The following AJAP1 variants were observed in gnomAD, a reference collection of about 807,000 sequenced individuals.
AJAP1 encodes adherens junction-associated protein 1.
A neutral mutation model predicts 35.0 loss-of-function variants in AJAP1; 5 were observed. The ratio of observed to expected loss-of-function variants is 0.14; its 90% CI spans 0.07 to 0.30. AJAP1 has a LOEUF of 0.30. Among genes scored for constraint, AJAP1 ranks in the 10% least tolerant of loss-of-function variants. The pLI is 1.00. For missense variants in AJAP1, 586 were observed against 571.0 expected, an observed-to-expected ratio of 1.03 and a Z score of -0.27; for synonymous variants, 284 against 249.3, an observed-to-expected ratio of 1.14 and a Z score of -1.31.
intron 2 of AJAP1, among the ~76,000 whole-genome samples, chr1:4,754,856 C>T (rs1324888042): frequency 7.1e-6 from 1 of 141,498 alleles, no homozygotes; most frequent in South Asian, 2.2e-4. Flanking sequence ...TCCTGCTCTC[C>T]CCTCATCTCA....
intron 1 of AJAP1, among the ~76,000 whole-genome samples, chr1:4,704,944 A>G (rs1315727072): frequency 6.6e-6 from 1 of 152,228 alleles, no homozygotes; most frequent in East Asian, 1.9e-4. Flanking sequence ...TTTTGGCTGC[A>G]TAGATGTCTT....
chr1:4,711,379 G>C (rs892882024), intron 1 of AJAP1, among the ~76,000 whole-genome samples: 10 of 152,166 alleles, frequency 6.6e-5, no homozygotes, highest in African/African-American at 2.4e-4. Context: ...CCTAGACCTG[G>C]GGAGAGGCGC....
At chr1:4,730,032 G>A (rs954898598) in intron 2 of AJAP1, among the ~76,000 whole-genome samples, 2 of 152,028 alleles carry the variant, frequency 1.3e-5, no homozygotes, top group Non-Finnish European at 2.9e-5. Flanking sequence ...TGACCCCCAC[G>A]CAACCCCAGA....
intron 2 of AJAP1, among the ~76,000 whole-genome samples, chr1:4,713,733 C>T (rs371225631): frequency 9.8e-5 from 15 of 152,384 alleles, no homozygotes; most frequent in East Asian, 7.7e-4. Context: ...ACATTCTAGA[C>T]AAACAGCAAC....
At chr1:4,674,738 C>G (rs1486363503) in intron 1 of AJAP1, among the ~76,000 whole-genome samples, 6 of 152,152 alleles carry the variant, frequency 3.9e-5, no homozygotes, top group Non-Finnish European at 7.3e-5. Flanking sequence ...TCTGAGGGAT[C>G]GGTCGGGGCC....
intron 1 of AJAP1, among the ~76,000 whole-genome samples, chr1:4,664,203 T>C (rs1225250741): frequency 6.6e-6 from 1 of 152,172 alleles, no homozygotes; most frequent in Non-Finnish European, 1.5e-5. Flanking sequence ...CTCCAGCATC[T>C]GGCCTCTGAA....
chr1:4,769,441 C>T (rs957611520), intron 2 of AJAP1, among the ~76,000 whole-genome samples: 2 of 152,154 alleles, frequency 1.3e-5, no homozygotes, highest in East Asian at 1.9e-4. Context: ...AATAGAAGTG[C>T]GAGACTGGCC....
chr1:4,707,958 G>T (rs2411893), intron 1 of AJAP1, among the ~76,000 whole-genome samples: 2 of 142,022 alleles, frequency 1.4e-5, no homozygotes, highest in East Asian at 2.1e-4. Context: ...TGATGTGGGC[G>T]GTACGTTTTT....
At chr1:4,736,134 C>T (rs1256735461) in intron 2 of AJAP1, among the ~76,000 whole-genome samples, 1 of 152,254 alleles carries the variant, frequency 6.6e-6, no homozygotes, top group East Asian at 1.9e-4. Context: ...GGGATGTGCC[C>T]TGGCACATGG....
intron 1 of AJAP1, among the ~76,000 whole-genome samples, chr1:4,658,437 C>T (rs1480937706): frequency 6.6e-6 from 1 of 152,230 alleles, no homozygotes; most frequent in Non-Finnish European, 1.5e-5. Context: ...GCAGCTGGGG[C>T]TGTGCAGCCC....
At chr1:4,766,618 C>T (rs1641691879) in intron 2 of AJAP1, among the ~76,000 whole-genome samples, 1 of 152,146 alleles carries the variant, frequency 6.6e-6, no homozygotes, top group Non-Finnish European at 1.5e-5. Context: ...AGCAGGAGCC[C>T]AGGAGCCCAT....
intron 2 of AJAP1, among the ~76,000 whole-genome samples, chr1:4,759,973 G>A (rs1641526694): frequency 6.6e-6 from 1 of 152,144 alleles, no homozygotes; most frequent in African/African-American, 2.4e-5. Context: ...CCCAAACCCT[G>A]AACCTCTCCT....
rs1250126534 is a variant in AJAP1, at chr1:4,748,265, G to T, written c.830-21588G>T. Among the ~76,000 whole-genome samples, 3 of 152,150 alleles carry T rather than the reference G, an allele frequency of 2.0e-5. No homozygotes were observed. The South Asian group carries it at 6.2e-4, about 32-fold the overall frequency. On this transcript the variant is annotated intron_variant, in intron 2 of 5. Coordinates refer to ENST00000378191, the MANE Select transcript of AJAP1 (RefSeq NM_018836.4). ...TGTCCCATCTCAGCGCTTCTGCTGT[G>T]TGGGGTGCATCACGTGCGTGATCAC...
chr1:4,748,169 A>C (rs1455379263), intron 2 of AJAP1, among the ~76,000 whole-genome samples: 1 of 151,714 alleles, frequency 6.6e-6, no homozygotes. Flanking sequence ...TCGCCCCTGC[A>C]TCCTCCCCTC....
At position 4,669,456 on chromosome 1, in the gene AJAP1, C is replaced by T. The variant is rs149415628; in HGVS notation, c.29+14002C>T. Reference sequence around the variant, plus strand: ...AGGAGAAGCAGGCACCTTCACAGGGCGGCAGGATGAAGTGAGTGCAAGCAG... The same window carrying T: ...AGGAGAAGCAGGCACCTTCACAGGGTGGCAGGATGAAGTGAGTGCAAGCAG... On this transcript the variant is annotated intron_variant, in intron 1 of 5. Coordinates refer to ENST00000378191, the MANE Select transcript of AJAP1 (RefSeq NM_018836.4). 2.1e-4 allele frequency among the ~76,000 whole-genome samples: 32 copies of T among 152,254 alleles called. 1 individual carries two copies. The East Asian group carries it at 3.1e-3, about 15-fold the overall frequency.
At chr1:4,662,590 G>A (rs951140892) in intron 1 of AJAP1, among the ~76,000 whole-genome samples, 20 of 152,228 alleles carry the variant, frequency 1.3e-4, no homozygotes, top group Admixed American at 1.0e-3. Flanking sequence ...TTGCCTCCAC[G>A]TTATACTTTA....
rs1398622527 is a variant in AJAP1, at chr1:4,773,628, AT to A, written c.1164-796del. On this transcript the variant is annotated intron_variant, in intron 4 of 5. Coordinates refer to ENST00000378191, the MANE Select transcript of AJAP1 (RefSeq NM_018836.4). ...AACCTCAGTGGTTTTACACTCAGACATTTGGGGAGCTCATGGGTGCCATTTC... is the reference window on the plus strand; with the variant it reads ...AACCTCAGTGGTTTTACACTCAGACATTGGGGAGCTCATGGGTGCCATTTC... 9.2e-5 allele frequency among the ~76,000 whole-genome samples: 14 copies of A among 152,222 alleles called. 1 individual carries two copies. Among genetic ancestry groups the A allele is most frequent in the Admixed American group, 3.3e-4 (5 of 15,286 alleles).
chr1:4,676,695 A>G (rs757268888), intron 1 of AJAP1, among the ~76,000 whole-genome samples: 2 of 151,988 alleles, frequency 1.3e-5, no homozygotes, highest in African/African-American at 2.4e-5. Context: ...GGGACAACAT[A>G]CTCTCAAACA....
chr1:4,682,630 G>A (rs1466988188), intron 1 of AJAP1, among the ~76,000 whole-genome samples: 1 of 152,200 alleles, frequency 6.6e-6, no homozygotes, highest in East Asian at 1.9e-4. Context: ...GGCCACCAGA[G>A]CTATGCTGAG....
Sources: gnomAD v4.1 joint callset for allele counts (sites outside exome capture counted in the v4.1 genomes callset) on GRCh38, gnomAD v4.1.1 for gene constraint, MANE v1.5 for transcripts, NCBI Gene and HGNC (gene_info 2026-07-23, HGNC 2026-07-21) for gene names.